KCNJ3: variants seen among roughly 807,000 people sequenced by gnomAD.
KCNJ3 encodes G protein-activated inward rectifier potassium channel 1.
A neutral mutation model predicts 39.2 loss-of-function variants in KCNJ3; 4 were observed. That is an observed-to-expected ratio of 0.10 (90% confidence interval 0.05 to 0.23). The LOEUF (loss-of-function observed/expected upper bound fraction) is 0.23, where lower values mean the gene tolerates loss of function less well. Ranked by LOEUF, KCNJ3 falls within the 10% of genes least tolerant of loss-of-function variation. The pLI, the probability that KCNJ3 is intolerant of heterozygous loss-of-function variation, is 1.00. For synonymous variants in KCNJ3, 230 were observed against 237.4 expected (o/e 0.97, Z 0.29); for missense variants, 276 against 634.9 (o/e 0.43, Z 6.08).
chr2:154,774,390 A>ATGC (rs561756065), intron 2 of KCNJ3, among the ~76,000 whole-genome samples: 1 of 110,268 alleles, frequency 9.1e-6, no homozygotes, highest in Non-Finnish European at 2.0e-5. Context: ...GCATTGCTTC[A>ATGC]AGTGTTTTAA....
chr2:154,770,045 G>A (rs1340944794), intron 2 of KCNJ3, among the ~76,000 whole-genome samples: 2 of 152,146 alleles, frequency 1.3e-5, no homozygotes, highest in Non-Finnish European at 2.9e-5. Flanking sequence ...TTCTGAAAAA[G>A]TATTTCTAAT....
At chr2:154,726,029 A>C (rs1017508703) in intron 2 of KCNJ3, among the ~76,000 whole-genome samples, 1 of 152,104 alleles carries the variant, frequency 6.6e-6, no homozygotes, top group African/African-American at 2.4e-5. Flanking sequence ...ATTAGAAAAC[A>C]CCTTCTAGAC....
intron 2 of KCNJ3, among the ~76,000 whole-genome samples, chr2:154,813,263 A>C (rs988946940): frequency 4.8e-4 from 73 of 152,074 alleles, no homozygotes; most frequent in Admixed American, 2.1e-3. Flanking sequence ...TCTACATGCA[A>C]ATTATGGGAA....
intron 2 of KCNJ3, among the ~76,000 whole-genome samples, chr2:154,780,889 A>G (rs1686427959): frequency 6.6e-6 from 1 of 152,198 alleles, no homozygotes; most frequent in Non-Finnish European, 1.5e-5. Flanking sequence ...TATCCCCAGA[A>G]CAGCTAAATA....
At chr2:154,719,835 G>A (rs1361519876) in intron 2 of KCNJ3, among the ~76,000 whole-genome samples, 2 of 152,102 alleles carry the variant, frequency 1.3e-5, no homozygotes, top group Non-Finnish European at 2.9e-5. Flanking sequence ...ATGATAATGA[G>A]TGGATAAGGG....
At chr2:154,708,231 A>T (rs1685046423) in intron 1 of KCNJ3, among the ~76,000 whole-genome samples, 1 of 152,146 alleles carries the variant, frequency 6.6e-6, no homozygotes, top group African/African-American at 2.4e-5. Flanking sequence ...TAGCCTCTCT[A>T]GTTGACTAAT....
intron 2 of KCNJ3, among the ~76,000 whole-genome samples, chr2:154,729,764 T>TAA (rs2105166297): frequency 2.0e-5 from 3 of 152,240 alleles, no homozygotes; most frequent in African/African-American, 7.2e-5. Context: ...ACAGAGTGAA[T>TAA]AAGAATAATG....
chr2:154,742,715 G>A (rs1331845179), intron 2 of KCNJ3, among the ~76,000 whole-genome samples: 4 of 151,632 alleles, frequency 2.6e-5, no homozygotes, highest in Admixed American at 1.3e-4. Context: ...TGTTTGAATT[G>A]GGTTGTTTGT....
At chr2:154,754,439 A>C (rs1685903410) in intron 2 of KCNJ3, among the ~76,000 whole-genome samples, 1 of 151,978 alleles carries the variant, frequency 6.6e-6, no homozygotes, top group African/African-American at 2.4e-5. Context: ...ACGCCCAGCT[A>C]ATTTTTTGTA....
At chr2:154,812,420 A>T (rs1042778365) in intron 2 of KCNJ3, among the ~76,000 whole-genome samples, 1 of 152,262 alleles carries the variant, frequency 6.6e-6, no homozygotes, top group Non-Finnish European at 1.5e-5. Context: ...TATAATATAT[A>T]TACACTTTTA....
At chr2:154,830,690 A>G (rs2105118951) in intron 2 of KCNJ3, among the ~76,000 whole-genome samples, 1 of 152,202 alleles carries the variant, frequency 6.6e-6, no homozygotes, top group African/African-American at 2.4e-5. Flanking sequence ...ACTTGGCAGA[A>G]TGGAGAGACA....
chr2:154,787,945 T>C (rs1686563246), intron 2 of KCNJ3, among the ~76,000 whole-genome samples: 1 of 152,182 alleles, frequency 6.6e-6, no homozygotes, highest in Admixed American at 6.5e-5. Flanking sequence ...CATATATTTG[T>C]GTTAATTGGT....
At chr2:154,750,567 AG>A (rs1277825486) in intron 2 of KCNJ3, among the ~76,000 whole-genome samples, 2 of 152,038 alleles carry the variant, frequency 1.3e-5, no homozygotes, top group Admixed American at 6.6e-5. Context: ...TATTGCTATC[AG>A]GCTAGCATAA....
At chr2:154,717,624 C>T (rs1162152602) in intron 2 of KCNJ3, among the ~76,000 whole-genome samples, 1 of 152,126 alleles carries the variant, frequency 6.6e-6, no homozygotes, top group Non-Finnish European at 1.5e-5. Context: ...AAATCCAAGA[C>T]ACCCAAATAC....
chr2:154,779,234 C>T (rs1686391251), intron 2 of KCNJ3, among the ~76,000 whole-genome samples: 1 of 151,790 alleles, frequency 6.6e-6, no homozygotes, highest in Non-Finnish European at 1.5e-5. Context: ...TTTTGAGTCA[C>T]TTACCTCTAG....
At chr2:154,748,615 G>A (rs1558863474) in intron 2 of KCNJ3, among the ~76,000 whole-genome samples, 1 of 151,928 alleles carries the variant, frequency 6.6e-6, no homozygotes, top group Non-Finnish European at 1.5e-5. Flanking sequence ...ATAAATATGA[G>A]TGAACTGAAC....
intron 2 of KCNJ3, among the ~76,000 whole-genome samples, chr2:154,852,019 T>C (rs1282704454): frequency 6.6e-6 from 1 of 152,212 alleles, no homozygotes; most frequent in Non-Finnish European, 1.5e-5. Flanking sequence ...ACTTTGTGAT[T>C]GTTAGAAATA....
intron 2 of KCNJ3, among the ~76,000 whole-genome samples, chr2:154,723,421 A>G (rs2105161395): frequency 6.6e-6 from 1 of 152,334 alleles, no homozygotes; most frequent in South Asian, 2.1e-4. Flanking sequence ...TATTGGGAGT[A>G]GGTTGTGGAT....
At chr2:154,823,406 CTT>C (rs55722860) in intron 2 of KCNJ3, among the ~76,000 whole-genome samples, 503 of 145,448 alleles carry the variant, frequency 3.5e-3, no homozygotes, top group Middle Eastern at 7.2e-3. Context: ...TTTCCACATT[CTT>C]TTTTTTTTTT....
Sources: allele counts gnomAD v4.1 joint callset (sites outside exome capture counted in the v4.1 genomes callset), GRCh38; gene constraint gnomAD v4.1.1; transcripts MANE v1.5; gene names NCBI Gene and HGNC (gene_info 2026-07-23, HGNC 2026-07-21).